The following DNAJB7 variants were observed in gnomAD, a reference collection of about 807,000 sequenced individuals.
DNAJB7 encodes DnaJ heat shock protein family (Hsp40) member B7.
DNAJB7 carries 1 observed loss-of-function variant against 1.2 expected under a neutral mutation model. The observed-to-expected ratio is 0.84, with a 90% CI of 0.30 to 4.01. The LOEUF (loss-of-function observed/expected upper bound fraction) is 4.01, where lower values mean the gene tolerates loss of function less well. DNAJB7 is among the 30% of genes most tolerant of loss of function. The pLI, the probability that DNAJB7 is intolerant of heterozygous loss-of-function variation, is 0.18. For missense variants in DNAJB7, 420 were observed against 358.5 expected (o/e 1.17, Z -1.39); for synonymous variants, 128 against 127.7 (o/e 1.00, Z -0.01).
chr22:40,861,276 C>T lies in DNAJB7; in HGVS notation c.719G>A (p.Arg240Lys), dbSNP rs1266234373. 23 of 1,614,170 alleles carry T rather than the reference C, an allele frequency of 1.4e-5. No homozygotes were observed. The highest frequency in any genetic ancestry group is 1.9e-5 in the Non-Finnish European group (23 of 1,180,028). ...TGAATAGTTGTTGAATGACTGTGTT[C>T]TCCAGCTGCATTCTTTTGCAAAGCC... The part of the protein sequence containing the change: ...EEGFAKECSW[R>K]TQSFNNYSPN... The change falls in exon 1 of 1, where the codon AGA becomes AAA. Residue 240 changes from arginine (R) to lysine (K), a missense_variant. Transcript: ENST00000307221.
rs778404307 is a variant in DNAJB7, at chr22:40,861,326, A to G, written c.669T>C (p.Leu223=). The G allele has an allele frequency of 3.1e-6, 5 of 1,614,172 alleles. No individual in the cohort carries two copies. Among genetic ancestry groups the G allele is most frequent in the Non-Finnish European group, 3.4e-6 (4 of 1,180,014 alleles). ...AEDNGELTFF[L]VNSVANEEGF... ...CCTCTTCATTGGCCACACTATTTAC[A>G]AGAAAAAATGTCAACTCTCCATTAT... The change falls in exon 1 of 1, where the codon CTT becomes CTC. Residue 223 remains leucine, a synonymous_variant. Coordinates refer to ENST00000307221, the MANE Select transcript of DNAJB7 (RefSeq NM_145174.2).
At position 40,861,790 on chromosome 22, in the gene DNAJB7, C is replaced by T. The variant is rs773422007; in HGVS notation, c.205G>A (p.Gly69Ser). Reference sequence around the variant, plus strand: ...CCACCTCCGTTTAATCCTTCTGTGCCATATTTATCATAAATGTCCCGTTTC... The same window carrying T: ...CCACCTCCGTTTAATCCTTCTGTGCTATATTTATCATAAATGTCCCGTTTC... ...DEKRDIYDKY[G>S]TEGLNGGGSH... Residue 69 changes from glycine (G) to serine (S), a missense_variant, in exon 1 of 1, where the codon GGC (glycine) becomes AGC (serine). Coordinates refer to ENST00000307221, the MANE Select transcript of DNAJB7 (RefSeq NM_145174.2). 2.5e-6 allele frequency: 4 copies of T among 1,613,426 alleles called. No homozygotes were observed. Among genetic ancestry groups the T allele is most frequent in the Non-Finnish European group, 3.4e-6 (4 of 1,179,824 alleles).
Position 40,861,128 on chromosome 22 carries a change from A to T in DNAJB7, c.867T>A (p.Gly289=). The change falls in exon 1 of 1, where the codon GGT becomes GGA. Residue 289 remains glycine (G), a synonymous_variant. Transcript: ENST00000307221. ...PPIFSAGVKE[G]GKRKKKKRKE... is the part of the protein sequence containing the mutation. ...TACGCTTCTTTTTTTTCCTCTTACC[A>T]CCCTCTTTGACTCCTGCTGAGAAAA... 1 of 1,612,478 alleles carries T rather than the reference A, an allele frequency of 6.2e-7. No individual in the cohort carries two copies. The highest frequency in any genetic ancestry group is 8.5e-7 in the Non-Finnish European group (1 of 1,179,592).
Position 40,860,088 on chromosome 22 carries a change from A to G in DNAJB7, c.*977T>C, listed in dbSNP as rs759375822. 1.3e-5 allele frequency: 2 copies of G among 152,136 alleles called. No homozygotes were observed. Among genetic ancestry groups the G allele is most frequent in the South Asian group, 2.1e-4 (1 of 4,828 alleles). The allele number at this position is 152,136 out of a possible 1,614,324, so 9.4% of individuals were successfully genotyped here. On this transcript the variant is annotated 3_prime_UTR_variant, in exon 1 of 1. Coordinates refer to ENST00000307221, the MANE Select transcript of DNAJB7 (RefSeq NM_145174.2). ...CGTTTTTTAATTTTTTAAATTTTCT[A>G]TAGTTTTTCTTTAGAGACAGGGTCA...
Position 40,862,006 on chromosome 22 carries a change from T to C in DNAJB7, c.-12A>G, listed in dbSNP as rs760629225. ...TAGTAATCCACCATGTTTTAACAGA[T>C]AGTTGGAAGTGGGTGTGCTGGGTAT... On this transcript the variant is annotated 5_prime_UTR_variant, in exon 1 of 1. Transcript: ENST00000307221. The C allele has an allele frequency of 5.6e-5, 88 of 1,571,172 alleles. No individual in the cohort carries two copies. The highest frequency in any genetic ancestry group is 7.1e-5 in the Non-Finnish European group (82 of 1,163,116).
rs1460266179 is a variant in DNAJB7 at position 40,860,054 on chromosome 22, CAT to C, written c.*1009_*1010del. 6.6e-6 allele frequency: 1 copy of C among 152,022 alleles called. No individual in the cohort carries two copies. Among genetic ancestry groups the C allele is most frequent in the Non-Finnish European group, 1.5e-5 (1 of 68,002 alleles). 9.4% of individuals were successfully genotyped at this position (152,022 alleles called of 1,614,324 possible). A position where few individuals can be genotyped will look rare whatever the true frequency, so the allele number is the denominator to read the frequency against. ...GTAAAATATACTACATAAAATTTAC[CAT>C]GTTACCCGTTTTTTAATTTTTTAAA... On this transcript the variant is annotated 3_prime_UTR_variant, in exon 1 of 1. Transcript: ENST00000307221.
Position 40,859,902 on chromosome 22 carries a change from T to C in DNAJB7, c.*1163A>G, listed in dbSNP as rs943672987. The C allele has an allele frequency of 3.3e-5, 5 of 152,192 alleles. No individual in the cohort carries two copies. The highest frequency in any genetic ancestry group is 4.8e-5 in the African/African-American group (2 of 41,438). 9.4% of individuals were successfully genotyped at this position (152,192 alleles called of 1,614,324 possible). A position where few individuals can be genotyped will look rare whatever the true frequency, so the allele number is the denominator to read the frequency against. ...TAGGTGCTATTTTAGAGTAATGTAT[T>C]TGTAGATTTTGTGTACAAACTCTAA... is the stretch of plus-strand genomic sequence containing the variant. On this transcript the variant is annotated 3_prime_UTR_variant, in exon 1 of 1. Transcript: ENST00000307221.
chr22:40,861,184 A>G lies in DNAJB7; in HGVS notation c.811T>C (p.Ser271Pro), dbSNP rs1051633903. 2 of 1,613,982 alleles carry G rather than the reference A, an allele frequency of 1.2e-6. No individual in the cohort carries two copies. The highest frequency in any genetic ancestry group is 2.7e-5 in the African/African-American group (2 of 74,904). ...GGATCTCTGTTGCTGGTAACCCAAG[A>G]TATACCTCCCTCATCATTGTCCACG... ...TFVDNDEGGI[S>P]WVTSNRDPPI... The change falls in exon 1 of 1, where the codon TCT (serine) becomes CCT (proline). Residue 271 changes from serine (S) to proline (P), a missense_variant. Ser to Pro is a moderately conservative substitution (Grantham distance 74). Coordinates refer to ENST00000307221, the MANE Select transcript of DNAJB7 (RefSeq NM_145174.2).
In DNAJB7 at chr22:40,861,483, A is replaced by C. The variant is rs150104806; in HGVS notation, c.512T>G (p.Phe171Cys). 1.2e-5 allele frequency: 20 copies of C among 1,614,050 alleles called. No individual in the cohort carries two copies. Among genetic ancestry groups the C allele is most frequent in the Non-Finnish European group, 1.7e-5 (20 of 1,180,030 alleles). Residue 171 changes from phenylalanine to cysteine, a missense_variant, in exon 1 of 1, where the codon TTC becomes TGC. Phe to Cys is a radical substitution (Grantham distance 205). Transcript: ENST00000307221. ...GSLGHEGLTS[F>C]SSLAFDNSGM... ...ACTATTATCAAAAGCCAGGGAAGAGAAAGAAGTAAGGCCTTCATGCCCCAA... is the reference window on the plus strand; with the variant it reads ...ACTATTATCAAAAGCCAGGGAAGAGCAAGAAGTAAGGCCTTCATGCCCCAA...
the DNAJB7 span, chr22:40,861,109 T>A: frequency 2.5e-6 from 4 of 1,610,968 alleles, no homozygotes; most frequent in African/African-American, 5.4e-5. Context: ...TCTTTACGCT[T>A]CTTTTTTTTC....
Position 40,860,763 on chromosome 22 carries a change from C to T in DNAJB7, c.*302G>A. On this transcript the variant is annotated 3_prime_UTR_variant, in exon 1 of 1. Transcript: ENST00000307221. The stretch of plus-strand genomic sequence containing the variant: ...TGTCTTCCAGGCTCAAGCAGTCTTT[C>T]TACCAGCTTCCCGAGTAGCTGGGAC... 1.4e-6 allele frequency: 1 copy of T among 730,814 alleles called. No individual in the cohort carries two copies. Among genetic ancestry groups the T allele is most frequent in the South Asian group, 2.0e-5 (1 of 50,194 alleles). 45.3% of individuals were successfully genotyped at this position (730,814 alleles called of 1,614,324 possible). A position where few individuals can be genotyped will look rare whatever the true frequency, so the allele number is the denominator to read the frequency against.
the DNAJB7 span, chr22:40,861,124 T>A: frequency 6.2e-7 from 1 of 1,613,576 alleles, no homozygotes. Flanking sequence ...TTTTTCCTCT[T>A]ACCACCCTCT....
In DNAJB7 at chr22:40,862,048, C is replaced by T; in HGVS notation, c.-54G>A. On this transcript the variant is annotated 5_prime_UTR_variant, in exon 1 of 1. Transcript: ENST00000307221. ...GCTGGGTATTGAGAACCGTGGTTTC[C>T]TCAGCTCAGGCTCTGCTGGTGGTGG... The T allele has an allele frequency of 6.5e-7, 1 of 1,534,214 alleles. No individual in the cohort carries two copies. Among genetic ancestry groups the T allele is most frequent in the Non-Finnish European group, 8.7e-7 (1 of 1,148,258 alleles).
At position 40,859,731 on chromosome 22, in the gene DNAJB7, T is replaced by C. The variant is rs1295040518; in HGVS notation, c.*1334A>G. The C allele has an allele frequency of 6.6e-6, 1 of 152,212 alleles. No individual in the cohort carries two copies. The highest frequency in any genetic ancestry group is 2.4e-5 in the African/African-American group (1 of 41,454). The allele number at this position is 152,212 out of a possible 1,614,324, so 9.4% of individuals were successfully genotyped here. A position where few individuals can be genotyped will look rare whatever the true frequency, so the allele number is the denominator to read the frequency against. On this transcript the variant is annotated 3_prime_UTR_variant, in exon 1 of 1. Transcript: ENST00000307221. Reference sequence around the variant, plus strand: ...TGTCTTTTAAAAATAGCAGATATTATAATTTTTTTCTAATTTCGCATTTGT... The same window carrying C: ...TGTCTTTTAAAAATAGCAGATATTACAATTTTTTTCTAATTTCGCATTTGT...
chr22:40,861,266 T>C lies in DNAJB7; in HGVS notation c.729A>G (p.Ser243=). The change falls in exon 1 of 1, where the codon TCA becomes TCG. Residue 243 remains serine, a synonymous_variant. Coordinates refer to ENST00000307221, the MANE Select transcript of DNAJB7 (RefSeq NM_145174.2). Reference sequence around the variant, plus strand: ...GAGAATTTGGTGAATAGTTGTTGAATGACTGTGTTCTCCAGCTGCATTCTT... The same window carrying C: ...GAGAATTTGGTGAATAGTTGTTGAACGACTGTGTTCTCCAGCTGCATTCTT... ...FAKECSWRTQ[S]FNNYSPNSHS... The C allele has an allele frequency of 1.2e-6, 2 of 1,614,208 alleles. No individual in the cohort carries two copies. Among genetic ancestry groups the C allele is most frequent in the Non-Finnish European group, 1.7e-6 (2 of 1,180,034 alleles).
Position 40,860,656 on chromosome 22 carries a change from CTTTTT to C in DNAJB7, c.*404_*408del. On this transcript the variant is annotated 3_prime_UTR_variant, in exon 1 of 1. Coordinates refer to ENST00000307221, the MANE Select transcript of DNAJB7 (RefSeq NM_145174.2). The stretch of plus-strand genomic sequence containing the variant: ...AAACTCATTGCAGTTTTCCAAATTC[CTTTTT>C]TTTTTTTTTAAGACAGGGTCTTACT... 8.8e-7 allele frequency: 1 copy of C among 1,131,210 alleles called. No homozygotes were observed. Among genetic ancestry groups the C allele is most frequent in the Non-Finnish European group, 1.2e-6 (1 of 826,602 alleles). 70.1% of individuals were successfully genotyped at this position (1,131,210 alleles called of 1,614,324 possible).
At position 40,861,087 on chromosome 22, in the gene DNAJB7, T is replaced by A. The variant is rs145207383; in HGVS notation, c.908A>T (p.Lys303Met). ...KKKKRKEVQK[K>M]STKRNC Reference sequence around the variant, plus strand: ...AATTTAACAATTCCTTTTGGTAGACTTCTTTTGCACCTCTTTACGCTTCTT... The same window carrying A: ...AATTTAACAATTCCTTTTGGTAGACATCTTTTGCACCTCTTTACGCTTCTT... Residue 303 changes from lysine (K) to methionine (M), a missense_variant, in exon 1 of 1, where the codon AAG (lysine) becomes ATG (methionine). By Grantham distance (95) the Lys-to-Met change is moderately conservative. Coordinates refer to ENST00000307221, the MANE Select transcript of DNAJB7 (RefSeq NM_145174.2). The A allele has an allele frequency of 2.5e-6, 4 of 1,591,916 alleles. No homozygotes were observed. In the Admixed American group the frequency reaches 7.3e-5, roughly 29 times the overall value.
rs1487049682 is a variant in DNAJB7, at chr22:40,861,477, G to A, written c.518C>T (p.Ser173Phe). 1.9e-6 allele frequency: 3 copies of A among 1,614,032 alleles called. No individual in the cohort carries two copies. The highest frequency in any genetic ancestry group is 2.5e-6 in the Non-Finnish European group (3 of 1,180,018). ...LGHEGLTSFS[S>F]LAFDNSGMDN... ...CATCCCACTATTATCAAAAGCCAGG[G>A]AAGAGAAAGAAGTAAGGCCTTCATG... The change falls in exon 1 of 1, where the codon TCC (serine) becomes TTC (phenylalanine). Residue 173 changes from serine (S) to phenylalanine (F), a missense_variant. Coordinates refer to ENST00000307221, the MANE Select transcript of DNAJB7 (RefSeq NM_145174.2).
In DNAJB7 at chr22:40,860,717, A is replaced by C. The variant is rs1006105238; in HGVS notation, c.*348T>G. 7.4e-6 allele frequency: 7 copies of C among 951,098 alleles called. No individual in the cohort carries two copies. Among genetic ancestry groups the C allele is most frequent in the Non-Finnish European group, 3.1e-6 (2 of 640,872 alleles). The allele number at this position is 951,098 out of a possible 1,614,324, so 58.9% of individuals were successfully genotyped here. ...ACCCAAGCTGGAGTGCAGTGGCGTG[A>C]TCCCATTACACTGCAACCTATGTCT... On this transcript the variant is annotated 3_prime_UTR_variant, in exon 1 of 1. Transcript: ENST00000307221.
Sources: gnomAD v4.1 joint callset for allele counts on GRCh38, gnomAD v4.1.1 for gene constraint, MANE v1.5 for transcripts, NCBI Gene and HGNC (gene_info 2026-07-23, HGNC 2026-07-21) for gene names.